DHX34: variants seen among roughly 807,000 people sequenced by gnomAD.
The protein encoded by DHX34 is DExH-box helicase 34.
Under a neutral mutation model 111.1 loss-of-function variants are expected in DHX34, and 96 were observed. The ratio of observed to expected loss-of-function variants is 0.86; its 90% CI spans 0.73 to 1.02. The LOEUF (loss-of-function observed/expected upper bound fraction) is 1.02, where lower values mean the gene tolerates loss of function less well. DHX34 is among the 50% of genes least tolerant of loss of function. The pLI, the probability that DHX34 is intolerant of heterozygous loss-of-function variation, is 0.00. For missense variants in DHX34, 1,560 were observed against 1,579.9 expected, an observed-to-expected ratio of 0.99 and a Z score of 0.21; for synonymous variants, 688 against 670.4, an observed-to-expected ratio of 1.03 and a Z score of -0.41.
At chr19:47,380,319 A>G (rs1599779811) in intron 14 of DHX34, among the ~76,000 whole-genome samples, 1 of 152,090 alleles carries the variant, frequency 6.6e-6, no homozygotes, top group African/African-American at 2.4e-5. Context: ...TGTGGATGGG[A>G]AGAACTGAAC....
Position 47,370,084 on chromosome 19 carries a change from C to T in DHX34, c.1769-2646C>T, listed in dbSNP as rs1010830439. ...GTCAGTGTCTCAGGCACTCACCTGA[C>T]GCTGCAGATGCCACCACCAGAGGCT... On this transcript the variant is annotated intron_variant, in intron 7 of 16. Transcript: ENST00000328771. 4.6e-5 allele frequency among the ~76,000 whole-genome samples: 7 copies of T among 152,170 alleles called. No homozygotes were observed. In the South Asian group the frequency reaches 6.2e-4, roughly 13 times the overall value.
intron 6 of DHX34, among the ~76,000 whole-genome samples, chr19:47,365,427 A>C (rs933695145): frequency 1.3e-5 from 2 of 151,652 alleles, no homozygotes; most frequent in African/African-American, 4.8e-5. Flanking sequence ...AATTTTTGTA[A>C]TTTTAGTAGA....
intron 8 of DHX34, 57 bp from the exon 9 acceptor site, chr19:47,373,542 C>T (rs1386570641): frequency 1.3e-6 from 2 of 1,576,872 alleles, no homozygotes; most frequent in Non-Finnish European, 1.7e-6. Context: ...CTCGGTCAGC[C>T]CCTCCCTCCC....
In DHX34 at chr19:47,367,156, G is replaced by C; in HGVS notation, c.1768+1G>C. The C allele has an allele frequency of 1.3e-6, 2 of 1,516,572 alleles. No individual in the cohort carries two copies. The highest frequency in any genetic ancestry group is 1.8e-6 in the Non-Finnish European group (2 of 1,128,404). 93.9% of individuals were successfully genotyped at this position (1,516,572 alleles called of 1,614,324 possible). On this transcript the variant is annotated splice_donor_variant, in intron 7 of 16. Transcript: ENST00000328771. LOFTEE classifies it high-confidence loss of function. Reference sequence around the variant, plus strand: ...CAGCTGCCTGTGGACGTTGTGATTGGTGAGTACCCACCCCCCTCCTGATCA... The same window carrying C: ...CAGCTGCCTGTGGACGTTGTGATTGCTGAGTACCCACCCCCCTCCTGATCA...
intron 13 of DHX34, among the ~76,000 whole-genome samples, chr19:47,377,668 C>T (rs919666540): frequency 8.6e-5 from 13 of 151,356 alleles, no homozygotes; most frequent in African/African-American, 1.7e-4. Context: ...ACAGAGGCTC[C>T]GAGGCAGACA....
At chr19:47,363,490 C>T (rs1159459235) in intron 6 of DHX34, among the ~76,000 whole-genome samples, 3 of 152,114 alleles carry the variant, frequency 2.0e-5, no homozygotes, top group African/African-American at 4.8e-5. Flanking sequence ...TTCCAAATGT[C>T]AAAACCCTTG....
chr19:47,380,735 T>G, intron 14 of DHX34, 81 bp from the exon 15 acceptor site: 5 of 1,583,122 alleles, frequency 3.2e-6, no homozygotes, highest in Non-Finnish European at 3.4e-6. Context: ...GAGGGAGGGC[T>G]TCAGGCACAG....
intron 16 of DHX34, 142 bp from the exon 17 acceptor site, chr19:47,381,838 G>C: frequency 6.7e-7 from 1 of 1,484,012 alleles, no homozygotes; most frequent in Non-Finnish European, 8.9e-7. Context: ...TATTAATCTG[G>C]GAGGGCTTCC....
rs761190483 is a variant in DHX34 at position 47,352,963 on chromosome 19, G to T, written c.-68G>T. The T allele has an allele frequency of 9.2e-6, 14 of 1,522,888 alleles. No individual in the cohort carries two copies. Among genetic ancestry groups the T allele is most frequent in the Non-Finnish European group, 1.2e-5 (14 of 1,134,752 alleles). 94.3% of individuals were successfully genotyped at this position (1,522,888 alleles called of 1,614,324 possible). A position where few individuals can be genotyped will look rare whatever the true frequency, so the allele number is the denominator to read the frequency against. On this transcript the variant is annotated 5_prime_UTR_variant, in exon 2 of 17. The change creates a new upstream start codon in the 5' untranslated region. Transcript: ENST00000328771. ...GGCACTGGCCTCTTAAATTGTTGCA[G>T]GTGGGGAATGGATGAGAATATTTGT...
chr19:47,357,074 C>T (rs867480060), intron 3 of DHX34, among the ~76,000 whole-genome samples: 3 of 152,108 alleles, frequency 2.0e-5, no homozygotes, highest in East Asian at 3.9e-4. Flanking sequence ...GCAATCCTCC[C>T]GCCTTGGCCT....
At chr19:47,358,254 C>T in intron 4 of DHX34, 134 bp downstream of exon 4, 5 of 1,432,270 alleles carry the variant, frequency 3.5e-6, no homozygotes, top group South Asian at 1.5e-5. Flanking sequence ...CACCTAGTGG[C>T]AGAGCCAGGC....
At chr19:47,354,871 C>G (rs1440556137) in intron 2 of DHX34, 168 bp from the exon 3 acceptor site, 2 of 786,074 alleles carry the variant, frequency 2.5e-6, no homozygotes, top group Non-Finnish European at 1.5e-6. Context: ...TCAGGCGGAT[C>G]TCGAACTCCC....
In DHX34 at chr19:47,366,916, G is replaced by T. The variant is rs932667691; in HGVS notation, c.1594-65G>T. On this transcript the variant is annotated intron_variant, in intron 6 of 16. Coordinates refer to ENST00000328771, the MANE Select transcript of DHX34 (RefSeq NM_014681.6). ...AACGTCATGAATTTGTGATCTCTGAGCCCCGCTGTGCTGCACAGTGGCTCT... is the reference window on the plus strand; with the variant it reads ...AACGTCATGAATTTGTGATCTCTGATCCCCGCTGTGCTGCACAGTGGCTCT... 6 of 1,429,282 alleles carry T rather than the reference G, an allele frequency of 4.2e-6. No homozygotes were observed. In the Admixed American group the frequency reaches 1.1e-4, roughly 26 times the overall value. The allele number at this position is 1,429,282 out of a possible 1,614,324, so 88.5% of individuals were successfully genotyped here.
In DHX34 at chr19:47,375,536, T is replaced by C. The variant is rs747344833; in HGVS notation, c.2135T>C (p.Leu712Ser). ...CAGGTAGGGGACAGCTACAGTCGGT[T>C]GCAGCAGCGCCGGGAGCGCCGGGCC... ...AAQVGDSYSR[L>S]QQRRERRALH... is the part of the protein sequence containing the mutation. Residue 712 changes from leucine (L) to serine (S), a missense_variant, in exon 10 of 17, where the codon TTG becomes TCG. By Grantham distance (145) the Leu-to-Ser change is moderately radical. Transcript: ENST00000328771. The C allele has an allele frequency of 1.3e-6, 2 of 1,560,182 alleles. No individual in the cohort carries two copies. The highest frequency in any genetic ancestry group is 2.3e-5 in the South Asian group (2 of 85,954).
chr19:47,355,019 C>T lies in DHX34; in HGVS notation c.706-20C>T. The T allele has an allele frequency of 1.2e-6, 2 of 1,611,106 alleles. No homozygotes were observed. Among genetic ancestry groups the T allele is most frequent in the South Asian group, 1.1e-5 (1 of 90,964 alleles). On this transcript the variant is annotated intron_variant, in intron 2 of 16. Coordinates refer to ENST00000328771, the MANE Select transcript of DHX34 (RefSeq NM_014681.6). Reference sequence around the variant, plus strand: ...CCAGGCTCAGGGTCCTCTCCTGATCCTTTCTTTCTCCCACCCCAGGTCGGC... The same window carrying T: ...CCAGGCTCAGGGTCCTCTCCTGATCTTTTCTTTCTCCCACCCCAGGTCGGC...
rs1970393721 is a variant in DHX34 at position 47,382,308 on chromosome 19, CAGAAAG to C, written c.*196_*201del. The C allele has an allele frequency of 1.0e-6, 1 of 980,610 alleles. No individual in the cohort carries two copies. The allele number at this position is 980,610 out of a possible 1,614,324, so 60.7% of individuals were successfully genotyped here. A position where few individuals can be genotyped will look rare whatever the true frequency, so the allele number is the denominator to read the frequency against. Reference sequence around the variant, plus strand: ...ACTGTTAGGCCTGCACCTGCCCATCCAGAAAGCAGCAGCTGCCTTGTTAGTCCTCCC... The same window carrying C: ...ACTGTTAGGCCTGCACCTGCCCATCCCAGCAGCTGCCTTGTTAGTCCTCCC... On this transcript the variant is annotated 3_prime_UTR_variant, in exon 17 of 17. Transcript: ENST00000328771.
At chr19:47,354,944 G>A (rs1002291796) in intron 2 of DHX34, 95 bp from the exon 3 acceptor site, 115 of 1,542,620 alleles carry the variant, frequency 7.5e-5, no homozygotes, top group Non-Finnish European at 9.2e-5. Context: ...GTGAGCCACC[G>A]CACCCGGCCT....
At chr19:47,372,433 G>C (rs770526427) in intron 7 of DHX34, among the ~76,000 whole-genome samples, 1 of 152,156 alleles carries the variant, frequency 6.6e-6, no homozygotes, top group African/African-American at 2.4e-5. Context: ...AGCAAAGTGG[G>C]GAACTTGGTG....
chr19:47,354,111 C>T (rs1392910060), intron 2 of DHX34, among the ~76,000 whole-genome samples: 2 of 152,160 alleles, frequency 1.3e-5, no homozygotes, highest in South Asian at 2.1e-4. Flanking sequence ...TACAGGCACC[C>T]GCCACCATGC....
Sources: gnomAD v4.1 joint callset for allele counts (sites outside exome capture counted in the v4.1 genomes callset) on GRCh38, gnomAD v4.1.1 for gene constraint, MANE v1.5 for transcripts, NCBI Gene and HGNC (gene_info 2026-07-23, HGNC 2026-07-21) for gene names.